The following FARP1 variants were observed in gnomAD, a reference collection of about 807,000 sequenced individuals.
FARP1 encodes the protein FERM, ARHGEF and pleckstrin domain-containing protein 1.
Under a neutral mutation model 128.8 loss-of-function variants are expected in FARP1, and 52 were observed. That is an observed-to-expected ratio of 0.40 (90% CI 0.32 to 0.51). The LOEUF (loss-of-function observed/expected upper bound fraction) is 0.51, where lower values mean the gene tolerates loss of function less well. Ranked by LOEUF, FARP1 falls within the 20% of genes least tolerant of loss-of-function variation. The pLI, the probability that FARP1 is intolerant of heterozygous loss-of-function variation, is 0.45. For missense variants in FARP1, 1,333 were observed against 1,367.9 expected, an observed-to-expected ratio of 0.97 and a Z score of 0.40; for synonymous variants, 580 against 551.8, an observed-to-expected ratio of 1.05 and a Z score of -0.72.
At chr13:98,148,351 C>A (rs1875728756) in intron 1 of FARP1, among the ~76,000 whole-genome samples, 1 of 152,166 alleles carries the variant, frequency 6.6e-6, no homozygotes, top group Non-Finnish European at 1.5e-5. Flanking sequence ...GTACTCCAGC[C>A]TGGGCAACAA....
chr13:98,288,049 G>A (rs776297986), intron 2 of FARP1, among the ~76,000 whole-genome samples: 22 of 151,856 alleles, frequency 1.4e-4, no homozygotes, highest in Non-Finnish European at 2.4e-4. Flanking sequence ...ATCCGCCCAC[G>A]TCGGCCTCCC....
Position 98,437,583 on chromosome 13 carries a change from G to A in FARP1, c.2275-1221G>A, listed in dbSNP as rs140013275. Among the ~76,000 whole-genome samples the A allele has an allele frequency of 1.8e-3, 269 of 152,254 alleles. 4 individuals are homozygous for A. The South Asian group carries it at 0.027, about 15-fold the overall frequency. On this transcript the variant is annotated intron_variant, in intron 19 of 26. Transcript: ENST00000319562. ...TGTGCCCAGGAGGGCTTCGTGCAGG[G>A]TGATAACGCCGCGGTTGCAGCGAAC... is the stretch of plus-strand genomic sequence containing the variant.
At position 98,438,837 on chromosome 13, in the gene FARP1, T is replaced by G. The variant is rs1892403388; in HGVS notation, c.2308T>G (p.Ser770Ala). Residue 770 changes from serine to alanine, a missense_variant, in exon 20 of 27, where the codon TCG (serine) becomes GCG (alanine). By Grantham distance (99) the Ser-to-Ala change is moderately conservative (BLOSUM62 1). Transcript: ENST00000319562. ...CCGTCTGGGCAGCCTCAGCAAGCTC[T>G]CGGGGAAGGGGCTCCAGCAGCGCAT... The part of the protein sequence containing the change: ...FIRLGSLSKL[S>A]GKGLQQRMFF... The G allele has an allele frequency of 6.2e-7, 1 of 1,613,152 alleles. No homozygotes were observed. The highest frequency in any genetic ancestry group is 1.3e-5 in the African/African-American group (1 of 74,892).
intron 17 of FARP1, among the ~76,000 whole-genome samples, chr13:98,427,838 G>T (rs1891845377): frequency 6.6e-6 from 1 of 152,232 alleles, no homozygotes; most frequent in Non-Finnish European, 1.5e-5. Context: ...CTCTGTGCAA[G>T]CAAAATAAAA....
In FARP1 at chr13:98,396,241, T is replaced by G. The variant is rs145054470; in HGVS notation, c.1414+765T>G. On this transcript the variant is annotated intron_variant, in intron 13 of 26. Coordinates refer to ENST00000319562, the MANE Select transcript of FARP1 (RefSeq NM_005766.4). Reference sequence around the variant, plus strand: ...AGCCTCTAAGGTCCCTGCTGTGCAGTCGGTGTGTGCCAGAGGCATGGCGGG... The same window carrying G: ...AGCCTCTAAGGTCCCTGCTGTGCAGGCGGTGTGTGCCAGAGGCATGGCGGG... 7.5e-3 allele frequency: 2,989 copies of G among 399,116 alleles called. 81 individuals are homozygous for G. The highest frequency in any genetic ancestry group is 0.056 in the African/African-American group (2,711 of 48,730). The allele number at this position is 399,116 out of a possible 1,614,324, so 24.7% of individuals were successfully genotyped here. A position where few individuals can be genotyped will look rare whatever the true frequency, so the allele number is the denominator to read the frequency against.
rs776741928 is a variant in FARP1, at chr13:98,437,746, C to T, written c.2275-1058C>T. ...ATAGCTTCTCCGCTTTGTCTTTTTG[C>T]TTTCTCTCGGTCCCACCAGCCTGGC... On this transcript the variant is annotated intron_variant, in intron 19 of 26. Coordinates refer to ENST00000319562, the MANE Select transcript of FARP1 (RefSeq NM_005766.4). The T allele has an allele frequency of 5.4e-5, 67 of 1,249,088 alleles. No homozygotes were observed. In the East Asian group the frequency reaches 1.5e-3, roughly 29 times the overall value. 77.4% of individuals were successfully genotyped at this position (1,249,088 alleles called of 1,614,324 possible). A position where few individuals can be genotyped will look rare whatever the true frequency, so the allele number is the denominator to read the frequency against.
chr13:98,197,142 A>C (rs1190361280), intron 1 of FARP1, among the ~76,000 whole-genome samples: 1 of 152,184 alleles, frequency 6.6e-6, no homozygotes, highest in African/African-American at 2.4e-5. Context: ...AAGCTTTAGG[A>C]AATGGCTTCC....
At chr13:98,345,080 C>A (rs1888124654) in intron 3 of FARP1, among the ~76,000 whole-genome samples, 1 of 152,338 alleles carries the variant, frequency 6.6e-6, no homozygotes, top group Non-Finnish European at 1.5e-5. Context: ...GTCCAGGAAA[C>A]AATTAGAGTG....
chr13:98,274,844 A>C (rs1460599062), intron 2 of FARP1, among the ~76,000 whole-genome samples: 2 of 152,202 alleles, frequency 1.3e-5, no homozygotes, highest in Non-Finnish European at 2.9e-5. Flanking sequence ...ACCTCCTTTA[A>C]TATGTTAGGG....
intron 1 of FARP1, among the ~76,000 whole-genome samples, chr13:98,194,318 C>T (rs1270492816): frequency 5.3e-5 from 8 of 152,204 alleles, no homozygotes; most frequent in South Asian, 2.1e-4. Context: ...GGTTTCACCA[C>T]GTTGACCAGG....
At chr13:98,294,218 G>A (rs1255179154) in intron 2 of FARP1, among the ~76,000 whole-genome samples, 2 of 152,124 alleles carry the variant, frequency 1.3e-5, no homozygotes, top group Non-Finnish European at 2.9e-5. Context: ...GCACAGCTCC[G>A]TGAAATTTAA....
chr13:98,337,096 C>G (rs1333404078), intron 2 of FARP1, among the ~76,000 whole-genome samples: 1 of 152,122 alleles, frequency 6.6e-6, no homozygotes, highest in Non-Finnish European at 1.5e-5. Context: ...GCCAGGTGCA[C>G]TGGCTGACAC....
chr13:98,191,296 G>A (rs1566722668), intron 1 of FARP1, among the ~76,000 whole-genome samples: 1 of 152,302 alleles, frequency 6.6e-6, no homozygotes, highest in Non-Finnish European at 1.5e-5. Context: ...TGGGTGAAAC[G>A]AGCACTGGGG....
Position 98,410,921 on chromosome 13 carries a change from C to T in FARP1, c.1692+98C>T, listed in dbSNP as rs187471009. Reference sequence around the variant, plus strand: ...GCTGGAGCTAATTAAATGTTGGATTCGCTGACTTCAGTTGAAAGGATTGTG... The same window carrying T: ...GCTGGAGCTAATTAAATGTTGGATTTGCTGACTTCAGTTGAAAGGATTGTG... On this transcript the variant is annotated intron_variant, in intron 15 of 26. Transcript: ENST00000319562. 1.1e-4 allele frequency: 63 copies of T among 585,806 alleles called. No individual in the cohort carries two copies. In the East Asian group the frequency reaches 1.2e-3, roughly 11 times the overall value. The allele number at this position is 585,806 out of a possible 1,614,324, so 36.3% of individuals were successfully genotyped here.
chr13:98,310,367 A>G (rs1333690527), intron 2 of FARP1, among the ~76,000 whole-genome samples: 1 of 152,172 alleles, frequency 6.6e-6, no homozygotes, highest in African/African-American at 2.4e-5. Flanking sequence ...GTACATCAGT[A>G]ATTAGGCATC....
At chr13:98,288,722 T>C (rs1259681365) in intron 2 of FARP1, among the ~76,000 whole-genome samples, 1 of 152,192 alleles carries the variant, frequency 6.6e-6, no homozygotes, top group Non-Finnish European at 1.5e-5. Flanking sequence ...TTGATGGCGG[T>C]AACAGCACCT....
intron 1 of FARP1, among the ~76,000 whole-genome samples, chr13:98,182,100 A>C (rs1594241202): frequency 6.6e-6 from 1 of 152,076 alleles, no homozygotes; most frequent in South Asian, 2.1e-4. Context: ...GAACTGACCT[A>C]TGCTCCCCCT....
At chr13:98,231,954 A>G (rs749127814) in intron 2 of FARP1, among the ~76,000 whole-genome samples, 1 of 151,918 alleles carries the variant, frequency 6.6e-6, no homozygotes, top group Non-Finnish European at 1.5e-5. Context: ...CAGCCTCCCA[A>G]GTAGCTGGGA....
At chr13:98,414,362 G>C (rs4001099) in intron 16 of FARP1, among the ~76,000 whole-genome samples, 18,437 of 152,016 alleles carry the variant, frequency 0.12, 1,654 homozygotes, top group East Asian at 0.31. Flanking sequence ...CCAAATACAC[G>C]ACACTGGTCA....
Sources: gnomAD v4.1 joint callset for allele counts (sites outside exome capture counted in the v4.1 genomes callset) on GRCh38, gnomAD v4.1.1 for gene constraint, MANE v1.5 for transcripts, NCBI Gene and HGNC (gene_info 2026-07-23, HGNC 2026-07-21) for gene names.